Variants in NMUR2 observed in about 807,000 individuals in gnomAD.
NMUR2 encodes neuromedin U receptor 2, also known as neuromedin-U receptor 2.
A neutral mutation model predicts 25.1 loss-of-function variants in NMUR2; 24 were observed. That is an observed-to-expected ratio of 0.96 (90% CI 0.69 to 1.34). The LOEUF (loss-of-function observed/expected upper bound fraction) is 1.34, where lower values mean the gene tolerates loss of function less well. Among genes scored for constraint, NMUR2 ranks in the 40% most tolerant of loss-of-function variants. NMUR2 has a pLI of 0.00. For missense variants in NMUR2, 533 were observed against 512.8 expected, an observed-to-expected ratio of 1.04 and a Z score of -0.38; for synonymous variants, 218 against 208.1, an observed-to-expected ratio of 1.05 and a Z score of -0.41.
At position 152,392,354 on chromosome 5, in the gene NMUR2, C is replaced by T. The variant is rs759161756; in HGVS notation, c.1085G>A (p.Arg362Gln). The stretch of plus-strand genomic sequence containing the variant: ...GTGGCATTCTGTCAGGAAGATGTTC[C>T]GCTGGGCAGGTGGCAACTGTGGGTC... ...QHDPQLPPAQ[R>Q]NIFLTECHFV... The change falls in exon 4 of 4, where the codon CGG becomes CAG. Residue 362 changes from arginine (R) to glutamine (Q), a missense_variant. Coordinates refer to ENST00000255262, the MANE Select transcript of NMUR2 (RefSeq NM_020167.5). 49 of 1,613,850 alleles carry T rather than the reference C, an allele frequency of 3.0e-5. No individual in the cohort carries two copies. The highest frequency in any genetic ancestry group is 5.0e-5 in the Admixed American group (3 of 59,964).
At position 152,404,615 on chromosome 5, in the gene NMUR2, G is replaced by A. The variant is rs760760955; in HGVS notation, c.499C>T (p.Leu167Phe). Residue 167 changes from leucine to phenylalanine, a missense_variant, in exon 1 of 4, where the codon CTC becomes TTC. Leu to Phe is a conservative substitution (Grantham distance 22). Transcript: ENST00000255262. Reference protein sequence around the residue: ...QSTRRRALRILGIVWGFSVLF... With the variant: ...QSTRRRALRIFGIVWGFSVLF... ...ACGGAGAAGCCCCAGACGATGCCGA[G>A]GATCCTGAGGGCCCGGCGCCGGGTG... is the stretch of plus-strand genomic sequence containing the variant. 1.9e-6 allele frequency: 3 copies of A among 1,614,152 alleles called. No individual in the cohort carries two copies. The highest frequency in any genetic ancestry group is 2.5e-6 in the Non-Finnish European group (3 of 1,180,030).
chr5:152,395,409 G>A, intron 3 of NMUR2, 50 bp downstream of exon 3: 1 of 1,607,962 alleles, frequency 6.2e-7, no homozygotes, highest in Non-Finnish European at 8.5e-7. Flanking sequence ...GAAGAAGAAG[G>A]TGCTGTTACC....
At chr5:152,401,598 C>T (rs1753255409) in intron 1 of NMUR2, among the ~76,000 whole-genome samples, 1 of 152,206 alleles carries the variant, frequency 6.6e-6, no homozygotes, top group Non-Finnish European at 1.5e-5. Flanking sequence ...GCAATTCATA[C>T]ATCCATCCTC....
At position 152,404,876 on chromosome 5, in the gene NMUR2, T is replaced by A. The variant is rs1344355087; in HGVS notation, c.238A>T (p.Thr80Ser). 6.2e-7 allele frequency: 1 copy of A among 1,613,802 alleles called. No individual in the cohort carries two copies. Among genetic ancestry groups the A allele is most frequent in the Admixed American group, 1.7e-5 (1 of 60,004 alleles). ...ILQHQAMKTP[T>S]NYYLFSLAVS... is the part of the protein sequence containing the mutation. The stretch of plus-strand genomic sequence containing the variant: ...GCCAGGCTGAAGAGGTAGTAGTTGG[T>A]GGGCGTCTTCATAGCCTGGTGCTGC... The change falls in exon 1 of 4, where the codon ACC (threonine) becomes TCC (serine). Residue 80 changes from threonine (T) to serine (S), a missense_variant. Coordinates refer to ENST00000255262, the MANE Select transcript of NMUR2 (RefSeq NM_020167.5).
intron 3 of NMUR2, 75 bp downstream of exon 3, chr5:152,395,384 G>A: frequency 1.3e-6 from 2 of 1,518,854 alleles, no homozygotes; most frequent in South Asian, 2.3e-5. Flanking sequence ...GAGTACTTAG[G>A]CATCTAAGCA....
chr5:152,399,889 A>G lies in NMUR2; in HGVS notation c.727-1745T>C, dbSNP rs187440122. 1.8e-3 allele frequency among the ~76,000 whole-genome samples: 278 copies of G among 152,304 alleles called. 1 individual carries two copies. The highest frequency in any genetic ancestry group is 7.5e-3 in the South Asian group (36 of 4,830). ...TAGATTAGAATCAATCTATTTAGTT[A>G]CAGGTAGATAGATTCTAATTCAAGA... is the stretch of plus-strand genomic sequence containing the variant. On this transcript the variant is annotated intron_variant, in intron 1 of 3. Coordinates refer to ENST00000255262, the MANE Select transcript of NMUR2 (RefSeq NM_020167.5).
At position 152,404,562 on chromosome 5, in the gene NMUR2, G is replaced by A. The variant is rs1753317104; in HGVS notation, c.552C>T (p.Ile184=). 1 of 1,614,142 alleles carries A rather than the reference G, an allele frequency of 6.2e-7. No homozygotes were observed. Among genetic ancestry groups the A allele is most frequent in the Non-Finnish European group, 8.5e-7 (1 of 1,180,022 alleles). The change falls in exon 1 of 4, where the codon ATC becomes ATT. Residue 184 remains isoleucine, a synonymous_variant. Transcript: ENST00000255262. ...SVLFSLPNTS[I]HGIKFHYFPN... is the part of the protein sequence containing the mutation. ...GGAAGTAGTGGAACTTGATGCCATG[G>A]ATGCTGGTGTTGGGCAGGGAGAAGA...
chr5:152,394,093 C>G lies in NMUR2; in HGVS notation c.937+1366G>C, dbSNP rs191610678. On this transcript the variant is annotated intron_variant, in intron 3 of 3. Transcript: ENST00000255262. ...GATCATGTCATTATTGAGGCTATAACTTGAAAATCTTAAGATAATTGCCTT... is the reference window on the plus strand; with the variant it reads ...GATCATGTCATTATTGAGGCTATAAGTTGAAAATCTTAAGATAATTGCCTT... 4.5e-3 allele frequency among the ~76,000 whole-genome samples: 691 copies of G among 152,162 alleles called. 4 individuals carry two copies. Among genetic ancestry groups the G allele is most frequent in the African/African-American group, 0.016 (659 of 41,524 alleles).
rs774591275 is a variant in NMUR2, at chr5:152,395,599, T to C, written c.812-15A>G. 6 of 1,612,528 alleles carry C rather than the reference T, an allele frequency of 3.7e-6. No individual in the cohort carries two copies. Among genetic ancestry groups the C allele is most frequent in the Non-Finnish European group, 5.1e-6 (6 of 1,179,362 alleles). On this transcript the variant is annotated splice_polypyrimidine_tract_variant and intron_variant, in intron 2 of 3. Transcript: ENST00000255262. ...GACCAAGACAACTGAAAATGGATGA[T>C]AAATGGGAGACCAGAAGACAGTCTG...
At chr5:152,394,791 G>A (rs1157545101) in intron 3 of NMUR2, among the ~76,000 whole-genome samples, 1 of 148,464 alleles carries the variant, frequency 6.7e-6, no homozygotes, top group East Asian at 2.0e-4. Context: ...GCTCTTTAAT[G>A]TCTATTATTG....
chr5:152,401,712 A>G (rs1753257136), intron 1 of NMUR2, among the ~76,000 whole-genome samples: 1 of 152,128 alleles, frequency 6.6e-6, no homozygotes, highest in South Asian at 2.1e-4. Flanking sequence ...AGAATTGTCT[A>G]TTTTCTATCT....
At position 152,404,712 on chromosome 5, in the gene NMUR2, G is replaced by A. The variant is rs1380571024; in HGVS notation, c.402C>T (p.Ile134=). The A allele has an allele frequency of 3.7e-6, 6 of 1,614,164 alleles. No individual in the cohort carries two copies. Among genetic ancestry groups the A allele is most frequent in the Non-Finnish European group, 5.1e-6 (6 of 1,180,038 alleles). The part of the protein sequence containing the change: ...ALFETVCFAS[I]LSITTVSVER... ...CCACGCTGACGGTGGTGATGCTGAGGATGGAGGCGAAGCACACGGTCTCAA... is the reference window on the plus strand; with the variant it reads ...CCACGCTGACGGTGGTGATGCTGAGAATGGAGGCGAAGCACACGGTCTCAA... Residue 134 remains isoleucine (I), a synonymous_variant, in exon 1 of 4, where the codon ATC becomes ATT. Transcript: ENST00000255262.
chr5:152,403,139 G>GTT (rs539697948), intron 1 of NMUR2, among the ~76,000 whole-genome samples: 7 of 150,978 alleles, frequency 4.6e-5, no homozygotes, highest in African/African-American at 1.5e-4. Context: ...GCTCACAGGT[G>GTT]TTTTTTTTTC....
rs1753069884 is a variant in NMUR2, at chr5:152,392,101, A to T, written c.*90T>A. ...GTACATGAGTTGTAAGAGCCATTCT[A>T]CCTCTCTAATATCATATGAGAAGGC... On this transcript the variant is annotated 3_prime_UTR_variant, in exon 4 of 4. Transcript: ENST00000255262. 1 of 1,108,646 alleles carries T rather than the reference A, an allele frequency of 9.0e-7. No homozygotes were observed. The highest frequency in any genetic ancestry group is 1.3e-6 in the Non-Finnish European group (1 of 763,678). The allele number at this position is 1,108,646 out of a possible 1,614,324, so 68.7% of individuals were successfully genotyped here. A position where few individuals can be genotyped will look rare whatever the true frequency, so the allele number is the denominator to read the frequency against.
chr5:152,399,024 C>G (rs149726758), intron 1 of NMUR2, among the ~76,000 whole-genome samples: 225 of 152,244 alleles, frequency 1.5e-3, no homozygotes, highest in Non-Finnish European at 2.1e-3. Context: ...TTGATGACCA[C>G]TTTAGCCCAC....
At chr5:152,395,147 G>T (rs879470788) in intron 3 of NMUR2, among the ~76,000 whole-genome samples, 3 of 152,142 alleles carry the variant, frequency 2.0e-5, no homozygotes, top group East Asian at 1.9e-4. Flanking sequence ...TACTAAATAA[G>T]AACCAATTTA....
Position 152,405,232 on chromosome 5 carries a change from G to C in NMUR2, c.-119C>G, listed in dbSNP as rs1322525043. 77 of 1,209,172 alleles carry C rather than the reference G, an allele frequency of 6.4e-5. No individual in the cohort carries two copies. The highest frequency in any genetic ancestry group is 1.7e-4 in the South Asian group (11 of 64,484). 74.9% of individuals were successfully genotyped at this position (1,209,172 alleles called of 1,614,324 possible). On this transcript the variant is annotated 5_prime_UTR_variant, in exon 1 of 4. Transcript: ENST00000255262. ...GAGAAAGCAGTCACGAAAGTCACAG[G>C]CTTCGTAAGGAAGGCTGGGAGAGAG...
rs968770289 is a variant in NMUR2 at position 152,405,195 on chromosome 5, G to A, written c.-82C>T. The A allele has an allele frequency of 1.8e-4, 251 of 1,426,302 alleles. 3 individuals carry two copies. The South Asian group carries it at 2.7e-3, about 15-fold the overall frequency. The allele number at this position is 1,426,302 out of a possible 1,614,324, so 88.4% of individuals were successfully genotyped here. A position where few individuals can be genotyped will look rare whatever the true frequency, so the allele number is the denominator to read the frequency against. ...GAAAAAAAAAAAAAAAAGAAAAAAG[G>A]AAAACAAAAAAGAGAAAGCAGTCAC... On this transcript the variant is annotated 5_prime_UTR_variant, in exon 1 of 4. Transcript: ENST00000255262.
chr5:152,395,707 A>T, intron 2 of NMUR2, 123 bp from the exon 3 acceptor site: 1 of 1,106,026 alleles, frequency 9.0e-7, no homozygotes. Context: ...AAGCTATAAC[A>T]GTTATAGAGG....
Sources: allele counts gnomAD v4.1 joint callset (sites outside exome capture counted in the v4.1 genomes callset), GRCh38; gene constraint gnomAD v4.1.1; transcripts MANE v1.5; gene names NCBI Gene and HGNC (gene_info 2026-07-23, HGNC 2026-07-21).